The following CHCHD3 variants were observed in gnomAD, a reference collection of about 807,000 sequenced individuals.
CHCHD3 encodes coiled-coil-helix-coiled-coil-helix domain containing 3, also known as MICOS complex subunit MIC19.
CHCHD3 carries 20 observed loss-of-function variants against 38.2 expected under a neutral mutation model. The ratio of observed to expected loss-of-function variants is 0.52; its 90% confidence interval spans 0.37 to 0.76. The LOEUF (loss-of-function observed/expected upper bound fraction) is 0.76, where lower values mean the gene tolerates loss of function less well. CHCHD3 is among the 30% of genes least tolerant of loss of function. The probability of loss-of-function intolerance (pLI) is 0.00; values close to 1 mark genes in which losing one functional copy is unlikely to be tolerated. For synonymous variants in CHCHD3, 82 were observed against 100.0 expected, an observed-to-expected ratio of 0.82 and a Z score of 1.07; for missense variants, 245 against 279.2, an observed-to-expected ratio of 0.88 and a Z score of 0.87.
intron 4 of CHCHD3, among the ~76,000 whole-genome samples, chr7:132,968,305 G>A (rs1357147225): frequency 1.3e-5 from 2 of 152,126 alleles, no homozygotes; most frequent in African/African-American, 4.8e-5. Context: ...TGAATTTCCT[G>A]GTAAGCTATT....
At chr7:132,942,666 T>C (rs928713556) in intron 4 of CHCHD3, among the ~76,000 whole-genome samples, 1 of 152,196 alleles carries the variant, frequency 6.6e-6, no homozygotes, top group Admixed American at 6.5e-5. Context: ...AATAATATGA[T>C]GGGATCTAGA....
At chr7:132,910,963 G>A (rs1406355387) in intron 4 of CHCHD3, among the ~76,000 whole-genome samples, 1 of 152,132 alleles carries the variant, frequency 6.6e-6, no homozygotes, top group East Asian at 1.9e-4. Flanking sequence ...AGTAACACAA[G>A]GAGAAGAAAA....
chr7:132,883,093 G>A (rs368647501), intron 5 of CHCHD3, among the ~76,000 whole-genome samples: 16 of 152,262 alleles, frequency 1.1e-4, no homozygotes, highest in South Asian at 8.3e-4. Flanking sequence ...ACCTTCTGCC[G>A]TAATTGTAAG....
At chr7:132,953,200 CCTT>C (rs1004052435) in intron 4 of CHCHD3, among the ~76,000 whole-genome samples, 1 of 152,178 alleles carries the variant, frequency 6.6e-6, no homozygotes, top group African/African-American at 2.4e-5. Context: ...GTGATTATAA[CCTT>C]CTCCAATGCT....
intron 3 of CHCHD3, among the ~76,000 whole-genome samples, chr7:132,991,371 A>G (rs916764914): frequency 3.9e-5 from 6 of 152,138 alleles, no homozygotes; most frequent in African/African-American, 1.4e-4. Context: ...TTTTAACTGC[A>G]TTTCATATAA....
intron 4 of CHCHD3, among the ~76,000 whole-genome samples, chr7:132,916,856 T>C (rs1181827548): frequency 1.3e-5 from 2 of 152,192 alleles, no homozygotes; most frequent in South Asian, 4.1e-4. Flanking sequence ...ACTGGGATTA[T>C]AGGTGTGAAC....
At chr7:133,004,193 C>T (rs62465318) in intron 3 of CHCHD3, among the ~76,000 whole-genome samples, 5 of 152,072 alleles carry the variant, frequency 3.3e-5, no homozygotes, top group Admixed American at 1.3e-4. Context: ...AACTCCTGAC[C>T]TCAGGTGATC....
intron 5 of CHCHD3, among the ~76,000 whole-genome samples, chr7:132,884,044 C>T (rs933133678): frequency 6.6e-6 from 1 of 152,120 alleles, no homozygotes; most frequent in Non-Finnish European, 1.5e-5. Context: ...CTTCCCCTGT[C>T]GGCACTCAGA....
chr7:132,816,441 TCA>T (rs201963011), intron 6 of CHCHD3, among the ~76,000 whole-genome samples: 2,443 of 152,316 alleles, frequency 0.016, 57 homozygotes, highest in African/African-American at 0.055. Flanking sequence ...TTTATGACAG[TCA>T]CTAGATTGCC....
At chr7:133,014,350 T>A (rs1283448575) in intron 3 of CHCHD3, among the ~76,000 whole-genome samples, 1 of 151,932 alleles carries the variant, frequency 6.6e-6, no homozygotes. Context: ...AAAAAACCTT[T>A]CAAATGAAAT....
chr7:132,957,381 G>T (rs1811204740), intron 4 of CHCHD3, among the ~76,000 whole-genome samples: 1 of 152,184 alleles, frequency 6.6e-6, no homozygotes, highest in Admixed American at 6.5e-5. Flanking sequence ...ACAATGGTGG[G>T]GCCAAACTGG....
intron 2 of CHCHD3, among the ~76,000 whole-genome samples, chr7:133,028,898 A>G (rs1302262864): frequency 6.6e-6 from 1 of 151,482 alleles, no homozygotes; most frequent in African/African-American, 2.4e-5. Context: ...AAAAAAAAAA[A>G]AAAGAAAAGA....
At chr7:132,924,653 G>A (rs1374296066) in intron 4 of CHCHD3, among the ~76,000 whole-genome samples, 1 of 152,082 alleles carries the variant, frequency 6.6e-6, no homozygotes, top group Non-Finnish European at 1.5e-5. Flanking sequence ...TTCAAACTGT[G>A]GAGCAGATAT....
intron 4 of CHCHD3, among the ~76,000 whole-genome samples, chr7:132,898,875 C>T (rs188196547): frequency 6.6e-6 from 1 of 152,190 alleles, no homozygotes; most frequent in Admixed American, 6.5e-5. Context: ...TGCCCGGGGC[C>T]GGCAGGGCCG....
At chr7:132,960,752 C>G (rs1811296832) in intron 4 of CHCHD3, among the ~76,000 whole-genome samples, 1 of 152,022 alleles carries the variant, frequency 6.6e-6, no homozygotes, top group African/African-American at 2.4e-5. Context: ...CCAAGGCATG[C>G]AGAACACTGA....
At chr7:132,950,922 C>T (rs142004327) in intron 4 of CHCHD3, among the ~76,000 whole-genome samples, 209 of 152,274 alleles carry the variant, frequency 1.4e-3, no homozygotes, top group African/African-American at 4.6e-3. Flanking sequence ...TAAAGGTATG[C>T]TAATGACTCT....
intron 1 of CHCHD3, among the ~76,000 whole-genome samples, chr7:133,071,082 T>C (rs1330823276): frequency 6.6e-6 from 1 of 152,210 alleles, no homozygotes; most frequent in Non-Finnish European, 1.5e-5. Flanking sequence ...GCAGAGGCTC[T>C]GAGGAACACA....
intron 4 of CHCHD3, among the ~76,000 whole-genome samples, chr7:132,913,517 T>C (rs772913136): frequency 6.6e-6 from 1 of 152,156 alleles, no homozygotes; most frequent in Non-Finnish European, 1.5e-5. Flanking sequence ...GGTGGAAGCA[T>C]AGGCAGCACT....
intron 5 of CHCHD3, among the ~76,000 whole-genome samples, chr7:132,857,573 A>G (rs986314874): frequency 1.3e-4 from 20 of 151,734 alleles, no homozygotes; most frequent in African/African-American, 4.8e-4. Context: ...ACCCCCAGCT[A>G]ATTTTTGTAT....
Sources: gnomAD v4.1 joint callset for allele counts (sites outside exome capture counted in the v4.1 genomes callset) on GRCh38, gnomAD v4.1.1 for gene constraint, MANE v1.5 for transcripts, NCBI Gene and HGNC (gene_info 2026-07-23, HGNC 2026-07-21) for gene names.